The following MELK variants were observed in gnomAD, a reference collection of about 807,000 sequenced individuals.
The protein encoded by MELK is maternal embryonic leucine zipper kinase, also known as pEg3 kinase.
A neutral mutation model predicts 85.0 loss-of-function variants in MELK; 81 were observed. The ratio of observed to expected loss-of-function variants is 0.95; its 90% CI spans 0.80 to 1.15. The LOEUF (loss-of-function observed/expected upper bound fraction) is 1.15. MELK is among the 50% of genes most tolerant of loss of function. MELK has a pLI of 0.00. For missense variants in MELK, 754 were observed against 777.5 expected, an observed-to-expected ratio of 0.97 and a Z score of 0.36; for synonymous variants, 252 against 265.0, an observed-to-expected ratio of 0.95 and a Z score of 0.48.
intron 8 of MELK, among the ~76,000 whole-genome samples, chr9:36,626,983 A>C (rs1827993641): frequency 6.6e-6 from 1 of 150,486 alleles, no homozygotes; most frequent in South Asian, 2.1e-4. Flanking sequence ...AAAAAAAAAG[A>C]AAAGAAGTAG....
At chr9:36,629,844 T>TG (rs1564182664) in intron 8 of MELK, among the ~76,000 whole-genome samples, 1 of 61,604 alleles carries the variant, frequency 1.6e-5, no homozygotes, top group African/African-American at 1.2e-4. Context: ...CAAGAAATTG[T>TG]TTTTTTTTTT....
intron 10 of MELK, among the ~76,000 whole-genome samples, 166 bp from the exon 11 acceptor site, chr9:36,642,831 C>T (rs1829882776): frequency 6.6e-6 from 1 of 152,040 alleles, no homozygotes; most frequent in African/African-American, 2.4e-5. Flanking sequence ...ATGCTTACTT[C>T]TTAAAAGATT....
At chr9:36,576,412 A>G (rs1821648735) in intron 1 of MELK, among the ~76,000 whole-genome samples, 1 of 152,082 alleles carries the variant, frequency 6.6e-6, no homozygotes, top group African/African-American at 2.4e-5. Flanking sequence ...TTTGTGTGCT[A>G]TTTCTGCTTT....
chr9:36,669,307 T>C lies in MELK; in HGVS notation c.1409-3T>C. On this transcript the variant is annotated splice_polypyrimidine_tract_variant and splice_region_variant and intron_variant, in intron 14 of 17. Transcript: ENST00000298048. ...TGGATTGTGTTTGTTCTGTTTCTAA[T>C]AGCTAGAAACCAGTGCCTGAAAGAA... is the stretch of plus-strand genomic sequence containing the variant. The C allele has an allele frequency of 6.3e-7, 1 of 1,592,898 alleles. No homozygotes were observed. Among genetic ancestry groups the C allele is most frequent in the South Asian group, 1.1e-5 (1 of 88,614 alleles).
intron 1 of MELK, among the ~76,000 whole-genome samples, chr9:36,575,980 T>G (rs1265777036): frequency 6.6e-6 from 1 of 152,210 alleles, no homozygotes; most frequent in African/African-American, 2.4e-5. Context: ...TTTTATTGCC[T>G]TTTGGAATTT....
intron 7 of MELK, among the ~76,000 whole-genome samples, chr9:36,601,591 A>C (rs1398490519): frequency 2.0e-5 from 3 of 152,220 alleles, no homozygotes; most frequent in Non-Finnish European, 4.4e-5. Context: ...CATAACATAA[A>C]ATTTACCATC....
chr9:36,588,329 C>T (rs1006155462), intron 3 of MELK, among the ~76,000 whole-genome samples: 8 of 149,880 alleles, frequency 5.3e-5, no homozygotes, highest in African/African-American at 2.0e-4. Context: ...CTTGGCCTCC[C>T]AAAGTGCTGG....
intron 2 of MELK, among the ~76,000 whole-genome samples, chr9:36,583,173 C>T (rs1428960698): frequency 6.6e-6 from 1 of 151,980 alleles, no homozygotes; most frequent in East Asian, 1.9e-4. Flanking sequence ...CGGAGTTTCA[C>T]TGTGTTAGCC....
chr9:36,649,311 C>G (rs1294329270), intron 11 of MELK, among the ~76,000 whole-genome samples: 1 of 151,852 alleles, frequency 6.6e-6, no homozygotes, highest in Non-Finnish European at 1.5e-5. Flanking sequence ...ACGGTGAAAC[C>G]CTGTCTCTAC....
At chr9:36,592,273 C>T (rs771741547) in intron 4 of MELK, among the ~76,000 whole-genome samples, 6 of 148,850 alleles carry the variant, frequency 4.0e-5, no homozygotes, top group Non-Finnish European at 8.9e-5. Context: ...CTCCCGGGTT[C>T]AAGTGATTTT....
At chr9:36,668,673 C>T (rs754248464) in intron 14 of MELK, among the ~76,000 whole-genome samples, 1 of 152,050 alleles carries the variant, frequency 6.6e-6, no homozygotes. Flanking sequence ...CCACCACGCC[C>T]AGCTAATTTT....
Position 36,599,471 on chromosome 9 carries a change from A to T in MELK, c.552A>T (p.Ser184=), listed in dbSNP as rs775635246. The change falls in exon 7 of 18, where the codon TCA becomes TCT. Residue 184 remains serine (S), a synonymous_variant. Transcript: ENST00000298048. ...YAAPELIQGK[S]YLGSEADVWS... ...CACCTGAGTTAATACAAGGCAAATC[A>T]TATCTTGGATCAGAGGTAATTATTC... 3.6e-5 allele frequency: 58 copies of T among 1,610,172 alleles called. No homozygotes were observed. Among genetic ancestry groups the T allele is most frequent in the Non-Finnish European group, 4.6e-5 (54 of 1,176,706 alleles).
intron 3 of MELK, among the ~76,000 whole-genome samples, chr9:36,587,770 AT>A (rs773265538): frequency 3.0e-3 from 392 of 130,024 alleles, no homozygotes; most frequent in Middle Eastern, 8.6e-3. Context: ...CTAATTTTGT[AT>A]TTTTTTTTTT....
At chr9:36,602,713 C>G (rs1374237882) in intron 7 of MELK, among the ~76,000 whole-genome samples, 3 of 151,782 alleles carry the variant, frequency 2.0e-5, no homozygotes, top group Non-Finnish European at 4.4e-5. Context: ...GCATGTGCCA[C>G]CATGCTTGGC....
intron 13 of MELK, among the ~76,000 whole-genome samples, chr9:36,657,706 T>C (rs1180643532): frequency 2.0e-5 from 3 of 152,178 alleles, no homozygotes; most frequent in African/African-American, 4.8e-5. Flanking sequence ...TTCTCATGCC[T>C]CCTGAGTAGC....
At chr9:36,649,344 G>A (rs911803646) in intron 11 of MELK, among the ~76,000 whole-genome samples, 4 of 152,032 alleles carry the variant, frequency 2.6e-5, no homozygotes, top group African/African-American at 7.2e-5. Flanking sequence ...AAAAATAGCC[G>A]GGTGTGGTGG....
intron 8 of MELK, 195 bp from the exon 9 acceptor site, chr9:36,630,104 C>T (rs1460061306): frequency 7.1e-6 from 4 of 564,114 alleles, no homozygotes; most frequent in Non-Finnish European, 1.3e-5. Flanking sequence ...TTTGACCTCC[C>T]AAAGTGCTGG....
At chr9:36,587,971 T>C (rs1271311631) in intron 3 of MELK, among the ~76,000 whole-genome samples, 1 of 151,562 alleles carries the variant, frequency 6.6e-6, no homozygotes, top group African/African-American at 2.4e-5. Context: ...TTTCACCATG[T>C]TGGCCAGGCT....
chr9:36,672,193 C>A (rs1220130219), intron 16 of MELK, among the ~76,000 whole-genome samples: 2 of 152,114 alleles, frequency 1.3e-5, no homozygotes, highest in East Asian at 3.9e-4. Flanking sequence ...GAGTTATCCA[C>A]TAGCAGTCAT....
Sources: gnomAD v4.1 joint callset for allele counts (sites outside exome capture counted in the v4.1 genomes callset) on GRCh38, gnomAD v4.1.1 for gene constraint, MANE v1.5 for transcripts, NCBI Gene and HGNC (gene_info 2026-07-23, HGNC 2026-07-21) for gene names.